Variants in SPG11 observed in about 807,000 individuals in gnomAD.
SPG11 encodes the protein SPG11 vesicle trafficking associated, spatacsin.
A neutral mutation model predicts 274.0 loss-of-function variants in SPG11; 222 were observed. That is an observed-to-expected ratio of 0.81 (90% CI 0.73 to 0.91). The LOEUF is 0.91. SPG11 is among the 40% of genes least tolerant of loss of function. SPG11 has a pLI of 0.00. For missense variants in SPG11, 3,114 were observed against 2,872.7 expected, an observed-to-expected ratio of 1.08 and a Z score of -1.92; for synonymous variants, 1,144 against 1,039.7, an observed-to-expected ratio of 1.10 and a Z score of -1.93.
chr15:44,592,619 G>A (rs1272115049), intron 26 of SPG11, among the ~76,000 whole-genome samples, 181 bp from the exon 27 acceptor site: 3 of 152,052 alleles, frequency 2.0e-5, no homozygotes, highest in African/African-American at 7.2e-5. Context: ...AGGAGTTCGA[G>A]ACCACCCTGG....
chr15:44,601,075 C>T (rs1478407498), intron 20 of SPG11, among the ~76,000 whole-genome samples: 1 of 152,044 alleles, frequency 6.6e-6, no homozygotes, highest in East Asian at 1.9e-4. Context: ...TCACTTGAAC[C>T]TGGGAGGCAG....
chr15:44,621,438 A>C, intron 14 of SPG11: 1 of 330,426 alleles, frequency 3.0e-6, no homozygotes, highest in South Asian at 3.0e-5. Context: ...CAGATCCCCC[A>C]TATCAGATGG....
chr15:44,563,417 C>T, intron 39 of SPG11, 116 bp from the exon 40 acceptor site: 2 of 846,432 alleles, frequency 2.4e-6, no homozygotes, highest in South Asian at 2.9e-5. Flanking sequence ...TGGCTCACTG[C>T]AACCTCCACC....
At chr15:44,618,058 C>G (rs990998370) in intron 15 of SPG11, among the ~76,000 whole-genome samples, 8 of 152,040 alleles carry the variant, frequency 5.3e-5, no homozygotes, top group Non-Finnish European at 8.8e-5. Flanking sequence ...AAAATAACCG[C>G]TGGGATTTTT....
intron 20 of SPG11, among the ~76,000 whole-genome samples, chr15:44,601,259 G>A (rs907878757): frequency 6.6e-6 from 1 of 152,024 alleles, no homozygotes; most frequent in Non-Finnish European, 1.5e-5. Context: ...CAACATAATT[G>A]ATTTTTTATT....
chr15:44,573,577 G>A lies in SPG11; in HGVS notation c.6175C>T (p.Arg2059Trp), dbSNP rs755438310. 23 of 1,614,008 alleles carry A rather than the reference G, an allele frequency of 1.4e-5. No individual in the cohort carries two copies. The highest frequency in any genetic ancestry group is 1.6e-4 in the Middle Eastern group (1 of 6,084). The change falls in exon 32 of 40, where the codon CGG becomes TGG. Residue 2059 changes from arginine (R) to tryptophan (W), a missense_variant. Physicochemically the swap from Arg to Trp is moderately radical, Grantham distance 101. Transcript: ENST00000261866. Reference protein sequence around the residue: ...VAELVAEEVTRELLTSSQGTG... With the variant: ...VAELVAEEVTWELLTSSQGTG... ...CCCTGTGATGAAGTAAGCAGCTCCC[G>A]TGTCACCTCTTCTGCCACGAGTTCA...
rs312262722 is a variant in SPG11, at chr15:44,651,743, CT to C, written c.1203del (p.Asp402IlefsTer14). On this transcript the variant is annotated frameshift_variant, in exon 6 of 40. Transcript: ENST00000261866. LOFTEE classifies it high-confidence loss of function. The stretch of plus-strand genomic sequence containing the variant: ...CCTGGATCACTGGTCTTGGCATGAT[CT>C]TTCTGTAGAACATTATATTGCCCAT... The part of the protein sequence containing the change: ...IMHGQYNVLQ[K>X]DHAKTSDPGR... The C allele has an allele frequency of 7.4e-6, 12 of 1,614,084 alleles. No individual in the cohort carries two copies. The highest frequency in any genetic ancestry group is 1.7e-5 in the Admixed American group (1 of 60,004).
At chr15:44,631,569 T>A (rs915777011) in intron 8 of SPG11, among the ~76,000 whole-genome samples, 3 of 151,740 alleles carry the variant, frequency 2.0e-5, no homozygotes, top group Non-Finnish European at 4.4e-5. Flanking sequence ...AAAAAGAGCA[T>A]ATTAGTTGTT....
At chr15:44,570,432 TACG>T in intron 34 of SPG11, 90 bp downstream of exon 34, 1 of 1,537,826 alleles carries the variant, frequency 6.5e-7, no homozygotes, top group South Asian at 1.2e-5. Context: ...CAGAACCCCC[TACG>T]ACTACATCAG....
rs986905564 is a variant in SPG11, at chr15:44,574,826, G to A, written c.6006+76C>T. The A allele has an allele frequency of 2.6e-6, 4 of 1,562,140 alleles. No homozygotes were observed. In the African/African-American group the frequency reaches 4.1e-5, roughly 16 times the overall value. ...GATTATCATCTAAAAGGCTGACTTG[G>A]CAATGTCCAAAATCAACCTCAAACT... is the stretch of plus-strand genomic sequence containing the variant. On this transcript the variant is annotated intron_variant, in intron 31 of 39. Coordinates refer to ENST00000261866, the MANE Select transcript of SPG11 (RefSeq NM_025137.4).
chr15:44,613,443 G>A lies in SPG11; in HGVS notation c.3132C>T (p.Ala1044=). 1 of 1,612,544 alleles carries A rather than the reference G, an allele frequency of 6.2e-7. No individual in the cohort carries two copies. Among genetic ancestry groups the A allele is most frequent in the Admixed American group, 1.7e-5 (1 of 60,004 alleles). The change falls in exon 17 of 40, where the codon GCC becomes GCT. Residue 1044 remains alanine, a synonymous_variant. Transcript: ENST00000261866. ...FEFLVQCRQV[A]SNLTDPKLIF... ...GTATACCCATACCTGTTAAGTTACT[G>A]GCAACTTGTCGACACTGAACTAAAA...
chr15:44,615,479 G>A lies in SPG11; in HGVS notation c.2922C>T (p.Thr974=). Residue 974 remains threonine, a synonymous_variant, in exon 16 of 40, where the codon ACC becomes ACT. Transcript: ENST00000261866. ...TGGTCTTGTAGTTTTGAACAGGGAG[G>A]GTATCCTGTATTACACCTCCAATAC... is the stretch of plus-strand genomic sequence containing the variant. ...LSRIGGVIQD[T]LPVQNYKTKE... 1 of 1,613,902 alleles carries A rather than the reference G, an allele frequency of 6.2e-7. No homozygotes were observed. Among genetic ancestry groups the A allele is most frequent in the South Asian group, 1.1e-5 (1 of 91,068 alleles).
chr15:44,645,323 C>T (rs2084574254), intron 7 of SPG11, among the ~76,000 whole-genome samples: 1 of 152,186 alleles, frequency 6.6e-6, no homozygotes, highest in African/African-American at 2.4e-5. Flanking sequence ...CACACACCTA[C>T]AGCCATCTGG....
chr15:44,601,560 T>C lies in SPG11; in HGVS notation c.3521-928A>G, dbSNP rs1054161028. Among the ~76,000 whole-genome samples the C allele has an allele frequency of 3.2e-4, 47 of 147,120 alleles. 1 individual carries two copies. The highest frequency in any genetic ancestry group is 3.4e-3 in the Middle Eastern group (1 of 290). ...ACATGCGTGCGCCCAGCCTCTTCTT[T>C]TTTTTTTTTTTTTTTTAAATAGAAT... On this transcript the variant is annotated intron_variant, in intron 20 of 39. Coordinates refer to ENST00000261866, the MANE Select transcript of SPG11 (RefSeq NM_025137.4).
At chr15:44,572,059 C>T (rs1429266137) in intron 33 of SPG11, among the ~76,000 whole-genome samples, 1 of 152,238 alleles carries the variant, frequency 6.6e-6, no homozygotes, top group Non-Finnish European at 1.5e-5. Context: ...CTCTCAAAAG[C>T]ATTGGGATTA....
At chr15:44,629,119 CA>C in intron 9 of SPG11, 113 bp downstream of exon 9, 2 of 1,266,350 alleles carry the variant, frequency 1.6e-6, no homozygotes, top group Non-Finnish European at 2.3e-6. Context: ...TGACCTTACC[CA>C]AATGTAGTAA....
At chr15:44,640,879 C>T (rs62024987) in intron 7 of SPG11, among the ~76,000 whole-genome samples, 1 of 152,016 alleles carries the variant, frequency 6.6e-6, no homozygotes, top group Admixed American at 6.6e-5. Flanking sequence ...TACAGGTGTG[C>T]ACCACCATGC....
Position 44,622,635 on chromosome 15 carries a change from A to T in SPG11, c.2316+93T>A, listed in dbSNP as rs1333604919. 90 of 1,077,060 alleles carry T rather than the reference A, an allele frequency of 8.4e-5. No individual in the cohort carries two copies. In the South Asian group the frequency reaches 1.1e-3, roughly 14 times the overall value. The allele number at this position is 1,077,060 out of a possible 1,614,324, so 66.7% of individuals were successfully genotyped here. A position where few individuals can be genotyped will look rare whatever the true frequency, so the allele number is the denominator to read the frequency against. ...TTATTAGATATTAGTTGAACATTAA[A>T]ATTACTTAAGGTTTTTCTTCCAAGG... On this transcript the variant is annotated intron_variant, in intron 12 of 39. Coordinates refer to ENST00000261866, the MANE Select transcript of SPG11 (RefSeq NM_025137.4).
intron 15 of SPG11, 104 bp downstream of exon 15, chr15:44,620,086 C>A (rs1418764503): frequency 1.1e-6 from 1 of 923,522 alleles, no homozygotes; most frequent in East Asian, 2.5e-5. Context: ...TGAAACAACA[C>A]TACACTGGAT....
Sources: gnomAD v4.1 joint callset for allele counts (sites outside exome capture counted in the v4.1 genomes callset) on GRCh38, gnomAD v4.1.1 for gene constraint, MANE v1.5 for transcripts, NCBI Gene and HGNC (gene_info 2026-07-23, HGNC 2026-07-21) for gene names.